GALNT14: variants seen among roughly 807,000 people sequenced by gnomAD.
The protein encoded by GALNT14 is UDP-GalNAc:polypeptide N-acetylgalactosaminyltransferase 14.
In GALNT14, 60 loss-of-function variants were observed where a neutral mutation model predicts 77.5. The ratio of observed to expected loss-of-function variants is 0.77; its 90% CI spans 0.63 to 0.96. The LOEUF (loss-of-function observed/expected upper bound fraction) is 0.96, where lower values mean the gene tolerates loss of function less well. Among genes scored for constraint, GALNT14 ranks in the 40% least tolerant of loss-of-function variants. The pLI is 0.00. For synonymous variants in GALNT14, 280 were observed against 281.7 expected, an observed-to-expected ratio of 0.99 and a Z score of 0.06; for missense variants, 710 against 731.0, an observed-to-expected ratio of 0.97 and a Z score of 0.33.
At chr2:31,036,785 T>G (rs1173038330) in intron 1 of GALNT14, among the ~76,000 whole-genome samples, 1 of 152,232 alleles carries the variant, frequency 6.6e-6, no homozygotes, top group Non-Finnish European at 1.5e-5. Flanking sequence ...AATTCTTGGT[T>G]GACAGTCTTT....
At chr2:31,105,749 G>A (rs1677523631) in intron 1 of GALNT14, among the ~76,000 whole-genome samples, 3 of 151,784 alleles carry the variant, frequency 2.0e-5, no homozygotes, top group Non-Finnish European at 1.5e-5. Context: ...AAGAAAAAAA[G>A]AAACCAAGGT....
chr2:30,952,059 A>G (rs1466041742), intron 6 of GALNT14, among the ~76,000 whole-genome samples: 4 of 152,256 alleles, frequency 2.6e-5, no homozygotes, highest in African/African-American at 9.6e-5. Flanking sequence ...ACTACAACGC[A>G]TCTGCCATTC....
chr2:30,971,388 A>G (rs1668346388), intron 2 of GALNT14, among the ~76,000 whole-genome samples: 1 of 152,032 alleles, frequency 6.6e-6, no homozygotes, highest in Non-Finnish European at 1.5e-5. Context: ...GACACCGAAG[A>G]GTCTCCATGA....
At chr2:31,058,355 G>T (rs987070753) in intron 1 of GALNT14, among the ~76,000 whole-genome samples, 1 of 152,114 alleles carries the variant, frequency 6.6e-6, no homozygotes, top group Non-Finnish European at 1.5e-5. Flanking sequence ...CGGAGAGCAG[G>T]GTGCCTGGTA....
chr2:31,111,406 T>C (rs1341052692), intron 1 of GALNT14, among the ~76,000 whole-genome samples: 1 of 152,198 alleles, frequency 6.6e-6, no homozygotes, highest in East Asian at 1.9e-4. Flanking sequence ...TAAACATTTG[T>C]GAAATCTAAT....
At chr2:31,079,086 G>T in intron 1 of GALNT14, 6 of 1,233,410 alleles carry the variant, frequency 4.9e-6, no homozygotes, top group Non-Finnish European at 6.2e-6. Flanking sequence ...ATAAATACAT[G>T]AAAATGCATA....
At chr2:30,971,914 G>A (rs373256430) in intron 2 of GALNT14, among the ~76,000 whole-genome samples, 47 of 152,304 alleles carry the variant, frequency 3.1e-4, no homozygotes, top group African/African-American at 1.0e-3. Flanking sequence ...AACGGAGAGC[G>A]TGATGATGAT....
intron 7 of GALNT14, 145 bp from the exon 8 acceptor site, chr2:30,945,087 G>A: frequency 3.4e-6 from 2 of 583,714 alleles, no homozygotes; most frequent in South Asian, 8.4e-5. Flanking sequence ...GGTTTCCCTA[G>A]GCTGATCAGC....
rs904024544 is a variant in GALNT14 at position 31,138,402 on chromosome 2, C to T, written c.-316G>A. 8 of 357,802 alleles carry T rather than the reference C, an allele frequency of 2.2e-5. No homozygotes were observed. The highest frequency in any genetic ancestry group is 3.5e-5 in the Non-Finnish European group (7 of 199,922). The allele number at this position is 357,802 out of a possible 1,614,324, so 22.2% of individuals were successfully genotyped here. Reference sequence around the variant, plus strand: ...ACGCCGCCACCGCGGCTGCCGCCGCCGCCGCCGCCGCCTTGCCCGCTGCCG... The same window carrying T: ...ACGCCGCCACCGCGGCTGCCGCCGCTGCCGCCGCCGCCTTGCCCGCTGCCG... On this transcript the variant is annotated 5_prime_UTR_variant, in exon 1 of 15. Transcript: ENST00000349752.
intron 1 of GALNT14, among the ~76,000 whole-genome samples, chr2:31,062,985 T>C (rs763414182): frequency 4.6e-5 from 7 of 152,222 alleles, no homozygotes; most frequent in Non-Finnish European, 8.8e-5. Flanking sequence ...ATGGATAGAT[T>C]GAAAAAATTT....
At chr2:31,091,199 G>A (rs749397498) in intron 1 of GALNT14, among the ~76,000 whole-genome samples, 12 of 152,164 alleles carry the variant, frequency 7.9e-5, no homozygotes, top group Non-Finnish European at 1.8e-4. Flanking sequence ...GCAGGACAGG[G>A]GAGCTAGAAG....
the GALNT14 span, among the ~76,000 whole-genome samples, chr2:30,894,879 G>A: frequency 2.6e-5 from 4 of 152,176 alleles, no homozygotes; most frequent in Non-Finnish European, 4.4e-5. Flanking sequence ...CTCTGACCCC[G>A]CTCCCTCCAG....
At chr2:30,991,439 G>A (rs904257819) in intron 2 of GALNT14, 4 of 151,002 alleles carry the variant, frequency 2.6e-5, no homozygotes, top group Non-Finnish European at 4.4e-5. Context: ...AGTAGGACAA[G>A]TGCCCAGGAA....
intron 1 of GALNT14, among the ~76,000 whole-genome samples, chr2:31,083,944 C>T (rs1676281163): frequency 6.6e-6 from 1 of 152,196 alleles, no homozygotes; most frequent in Admixed American, 6.5e-5. Context: ...GGTTGGTGAG[C>T]TGCCGGGGAT....
intron 3 of GALNT14, among the ~76,000 whole-genome samples, chr2:30,965,825 T>C (rs891514643): frequency 6.6e-6 from 1 of 152,038 alleles, no homozygotes; most frequent in Admixed American, 6.5e-5. Context: ...AGCCTGATGC[T>C]GGGGCTGGGG....
At chr2:31,137,524 C>A (rs1320924052) in intron 1 of GALNT14, among the ~76,000 whole-genome samples, 1 of 152,096 alleles carries the variant, frequency 6.6e-6, no homozygotes, top group Non-Finnish European at 1.5e-5. Context: ...CCTCCGGCCT[C>A]CCCAGGTCGG....
Position 30,966,262 on chromosome 2 carries a change from T to G in GALNT14, c.340A>C (p.Ser114Arg). Reference sequence around the variant, plus strand: ...TCGTTGTGGAAGGTGATGATGATGCTAGTGGGTGGAAGGTCCGTGCAATAC... The same window carrying G: ...TCGTTGTGGAAGGTGATGATGATGCGAGTGGGTGGAAGGTCCGTGCAATAC... ...LVYCTDLPPT[S>R]IIITFHNEAR... The change falls in exon 3 of 15, where the codon AGC becomes CGC. Residue 114 changes from serine to arginine, a missense_variant. Coordinates refer to ENST00000349752, the MANE Select transcript of GALNT14 (RefSeq NM_024572.4). The G allele has an allele frequency of 6.2e-7, 1 of 1,613,906 alleles. No individual in the cohort carries two copies. The highest frequency in any genetic ancestry group is 8.5e-7 in the Non-Finnish European group (1 of 1,179,940).
chr2:30,958,573 G>A (rs771008209), intron 3 of GALNT14, 109 bp from the exon 4 acceptor site: 4 of 792,744 alleles, frequency 5.0e-6, no homozygotes, highest in Non-Finnish European at 8.5e-6. Flanking sequence ...AAAAATCAGA[G>A]CACCAACGGG....
intron 1 of GALNT14, among the ~76,000 whole-genome samples, chr2:31,111,479 T>C (rs1677830598): frequency 6.6e-6 from 1 of 152,210 alleles, no homozygotes; most frequent in South Asian, 2.1e-4. Flanking sequence ...AACTGCTTAT[T>C]TACCAGGCTG....
Sources: allele counts gnomAD v4.1 joint callset (sites outside exome capture counted in the v4.1 genomes callset), GRCh38; gene constraint gnomAD v4.1.1; transcripts MANE v1.5; gene names NCBI Gene and HGNC (gene_info 2026-07-23, HGNC 2026-07-21).